The following CARS2 variants were observed in gnomAD, a reference collection of about 807,000 sequenced individuals.
The protein encoded by CARS2 is probable cysteine--tRNA ligase, mitochondrial.
In CARS2, 52 loss-of-function variants were observed where a neutral mutation model predicts 68.8. That is an observed-to-expected ratio of 0.76 (90% CI 0.61 to 0.95). CARS2 has a LOEUF of 0.95. CARS2 is among the 40% of genes least tolerant of loss of function. The probability of loss-of-function intolerance (pLI) is 0.00; values close to 1 mark genes in which losing one functional copy is unlikely to be tolerated. For missense variants in CARS2, 780 were observed against 754.2 expected, an observed-to-expected ratio of 1.03 and a Z score of -0.40; for synonymous variants, 314 against 303.6, an observed-to-expected ratio of 1.03 and a Z score of -0.36.
At chr13:110,654,763 CA>C in intron 9 of CARS2, among the ~76,000 whole-genome samples, 1 of 151,402 alleles carries the variant, frequency 6.6e-6, no homozygotes, top group Non-Finnish European at 1.5e-5. Context: ...AGAAAAAATA[CA>C]AAATCAGCAG....
chr13:110,667,411 T>A lies in CARS2; in HGVS notation c.848A>T (p.His283Leu), dbSNP rs760205854. 1 of 1,613,988 alleles carries A rather than the reference T, an allele frequency of 6.2e-7. No individual in the cohort carries two copies. Among genetic ancestry groups the A allele is most frequent in the Admixed American group, 1.7e-5 (1 of 60,016 alleles). ...TTCGCACTGTGCAATTTCGTTTTCA[T>A]GATGTGGAAAAGCTAAATCTATCCC... is the stretch of plus-strand genomic sequence containing the variant. The part of the protein sequence containing the change: ...SGGIDLAFPH[H>L]ENEIAQCEVF... Residue 283 changes from histidine (H) to leucine (L), a missense_variant, in exon 8 of 15, where the codon CAT becomes CTT. Coordinates refer to ENST00000257347, the MANE Select transcript of CARS2 (RefSeq NM_024537.4).
At chr13:110,655,338 T>C (rs907966573) in intron 9 of CARS2, among the ~76,000 whole-genome samples, 2 of 151,932 alleles carry the variant, frequency 1.3e-5, no homozygotes, top group African/African-American at 2.4e-5. Flanking sequence ...TCTGTGAAAA[T>C]TGAAAATGCA....
intron 3 of CARS2, among the ~76,000 whole-genome samples, chr13:110,694,530 G>A (rs1237315423): frequency 1.3e-5 from 2 of 151,926 alleles, no homozygotes; most frequent in Non-Finnish European, 1.5e-5. Context: ...CCAGGTACTC[G>A]GGAGGCTGAG....
intron 9 of CARS2, among the ~76,000 whole-genome samples, chr13:110,651,375 AGT>A (rs2062209018): frequency 6.6e-6 from 1 of 152,148 alleles, no homozygotes; most frequent in Admixed American, 6.5e-5. Context: ...CTCCAGGAGG[AGT>A]GTGTCCTGTG....
At chr13:110,675,840 C>T (rs979680243) in intron 7 of CARS2, among the ~76,000 whole-genome samples, 10 of 152,334 alleles carry the variant, frequency 6.6e-5, no homozygotes, top group African/African-American at 2.2e-4. Context: ...GGTCAGGCCA[C>T]ACAAACCAGC....
chr13:110,712,734 G>C (rs1416099476), intron 1 of CARS2: 4 of 697,978 alleles, frequency 5.7e-6, no homozygotes. Context: ...TGTGGGGAGC[G>C]GCCTCCGAGA....
intron 9 of CARS2, among the ~76,000 whole-genome samples, chr13:110,654,565 C>T (rs1178635782): frequency 6.6e-6 from 1 of 151,756 alleles, no homozygotes; most frequent in African/African-American, 2.4e-5. Context: ...GACAAATCAA[C>T]ACAGCAAATA....
intron 12 of CARS2, chr13:110,645,749 G>C (rs1566640619): frequency 2.0e-6 from 1 of 500,140 alleles, no homozygotes; most frequent in Admixed American, 4.0e-5. Flanking sequence ...CTGAGAGCTT[G>C]TTCCCCAGGT....
intron 3 of CARS2, among the ~76,000 whole-genome samples, chr13:110,694,741 TA>T (rs1019850443): frequency 2.2e-4 from 34 of 152,326 alleles, no homozygotes; most frequent in African/African-American, 7.7e-4. Flanking sequence ...TGACAACCTA[TA>T]AAATGGTGCC....
chr13:110,652,453 G>A lies in CARS2; in HGVS notation c.988-1353C>T, dbSNP rs74127088. On this transcript the variant is annotated intron_variant, in intron 9 of 14. Transcript: ENST00000257347. Reference sequence around the variant, plus strand: ...AGCAAAACACACACAACTGAAGAGCGTCTTGGGGTAGAAGGGGCTGTCCCT... The same window carrying A: ...AGCAAAACACACACAACTGAAGAGCATCTTGGGGTAGAAGGGGCTGTCCCT... 5.1e-3 allele frequency among the ~76,000 whole-genome samples: 779 copies of A among 152,398 alleles called. 7 individuals carry two copies. The highest frequency in any genetic ancestry group is 0.018 in the African/African-American group (755 of 41,594).
chr13:110,647,515 A>C, intron 10 of CARS2, among the ~76,000 whole-genome samples: 1 of 132,494 alleles, frequency 7.5e-6, no homozygotes, highest in East Asian at 2.2e-4. Flanking sequence ...ATTTCCACTG[A>C]CTGGATGGAG....
rs541127961 is a variant in CARS2 at position 110,677,103 on chromosome 13, G to A, written c.656C>T (p.Ala219Val). ...ACTGGCATGACGCTTGTCAGAGTCC[G>A]CTGCAGATGACAAACGGTACATCAG... The part of the protein sequence containing the change: ...GVVPGPVGEP[A>V]DSDKRHASDF... Residue 219 changes from alanine (A) to valine (V), a missense_variant and splice_region_variant, in exon 7 of 15, where the codon GCG becomes GTG. Coordinates refer to ENST00000257347, the MANE Select transcript of CARS2 (RefSeq NM_024537.4). 1.0e-5 allele frequency: 16 copies of A among 1,603,352 alleles called. No individual in the cohort carries two copies. The highest frequency in any genetic ancestry group is 1.3e-5 in the African/African-American group (1 of 74,806).
In CARS2 at chr13:110,665,434, G is replaced by A. The variant is rs994638949; in HGVS notation, c.919+1906C>T. The A allele has an allele frequency of 8.1e-6, 8 of 985,216 alleles. No homozygotes were observed. The highest frequency in any genetic ancestry group is 4.7e-5 in the South Asian group (1 of 21,288). 61.0% of individuals were successfully genotyped at this position (985,216 alleles called of 1,614,324 possible). The stretch of plus-strand genomic sequence containing the variant: ...GCACTCCCAGGCTGGGGGACGGAGC[G>A]AAATTGTTTCAACAACAACAGCAAA... On this transcript the variant is annotated intron_variant, in intron 8 of 14. Coordinates refer to ENST00000257347, the MANE Select transcript of CARS2 (RefSeq NM_024537.4). This position sits in a 1 kb window ranked among gnomAD's most constrained non-coding sequence, Gnocchi z 4.3.
At chr13:110,666,959 T>C in intron 8 of CARS2, 1 of 985,358 alleles carries the variant, frequency 1.0e-6, no homozygotes. Flanking sequence ...GTTTGAACAG[T>C]GGAAGAAAGG....
intron 10 of CARS2, among the ~76,000 whole-genome samples, chr13:110,647,649 G>GC (rs149351739): frequency 0.012 from 1,898 of 152,296 alleles, 34 homozygotes; most frequent in African/African-American, 0.043. Context: ...TCTAGGGAAG[G>GC]CCCTCCCGAG....
Position 110,642,405 on chromosome 13 carries a change from G to A in CARS2, c.1533C>T (p.Ala511=). The A allele has an allele frequency of 6.3e-7, 1 of 1,584,386 alleles. No homozygotes were observed. The highest frequency in any genetic ancestry group is 8.6e-7 in the Non-Finnish European group (1 of 1,165,256). The part of the protein sequence containing the change: ...ALAMPEATGD[A]RRQQLLERQP... ...GCCTTTCTAGGAGCTGCTGCCGCCG[G>A]GCGTCCCCCGTGGCCTCGGGCATGG... is the stretch of plus-strand genomic sequence containing the variant. Residue 511 remains alanine, a synonymous_variant, in exon 14 of 15, where the codon GCC becomes GCT. Coordinates refer to ENST00000257347, the MANE Select transcript of CARS2 (RefSeq NM_024537.4).
intron 9 of CARS2, among the ~76,000 whole-genome samples, chr13:110,654,083 T>G (rs1026582793): frequency 1.3e-5 from 2 of 152,144 alleles, no homozygotes; most frequent in East Asian, 3.9e-4. Flanking sequence ...TGAGCCCCAG[T>G]GAGCTCACGA....
chr13:110,706,177 C>G, upstream of CARS2: 1 of 987,934 alleles, frequency 1.0e-6, no homozygotes. Flanking sequence ...CACGGCCCCG[C>G]CCCGCCCCGC....
At chr13:110,660,568 C>G (rs369665636) in intron 9 of CARS2, among the ~76,000 whole-genome samples, 2 of 152,188 alleles carry the variant, frequency 1.3e-5, no homozygotes, top group East Asian at 1.9e-4. Flanking sequence ...ATATTACTCT[C>G]ATTGTATGTC....
Sources: gnomAD v4.1 joint callset for allele counts (sites outside exome capture counted in the v4.1 genomes callset) on GRCh38, gnomAD v4.1.1 for gene constraint, Gnocchi (gnomAD v3.1) non-coding constraint, MANE v1.5 for transcripts, NCBI Gene and HGNC (gene_info 2026-07-23, HGNC 2026-07-21) for gene names.